PCDH9: variants seen among roughly 807,000 people sequenced by gnomAD.
The protein encoded by PCDH9 is protocadherin-9.
In PCDH9, 24 loss-of-function variants were observed where a neutral mutation model predicts 70.6. The observed-to-expected ratio is 0.34, with a 90% CI of 0.25 to 0.48. The LOEUF (loss-of-function observed/expected upper bound fraction) is 0.48. Among genes scored for constraint, PCDH9 ranks in the 20% least tolerant of loss-of-function variants. PCDH9 has a pLI of 0.99. For synonymous variants in PCDH9, 562 were observed against 558.5 expected (o/e 1.01, Z -0.09); for missense variants, 1,281 against 1,503.6 (o/e 0.85, Z 2.45).
chr13:66,483,598 A>C (rs1037801535), intron 4 of PCDH9, among the ~76,000 whole-genome samples: 3 of 152,208 alleles, frequency 2.0e-5, no homozygotes, highest in Non-Finnish European at 4.4e-5. Context: ...GCTAAAAGCA[A>C]CTTTGCTATT....
chr13:66,690,948 A>G (rs981164), intron 3 of PCDH9, among the ~76,000 whole-genome samples: 48,554 of 151,898 alleles, frequency 0.32, 8,451 homozygotes, highest in East Asian at 0.51. Flanking sequence ...ATTGCACTAA[A>G]GTTTTAAATT....
At chr13:66,376,914 C>T (rs1208423194) in intron 4 of PCDH9, among the ~76,000 whole-genome samples, 1 of 152,016 alleles carries the variant, frequency 6.6e-6, no homozygotes, top group African/African-American at 2.4e-5. Flanking sequence ...AATGAAATAA[C>T]CATTTATCTG....
At chr13:66,747,183 C>G (rs558919455) in intron 3 of PCDH9, among the ~76,000 whole-genome samples, 4 of 152,182 alleles carry the variant, frequency 2.6e-5, no homozygotes, top group Non-Finnish European at 4.4e-5. Flanking sequence ...AACCTCATCT[C>G]TACTAAAAAT....
chr13:66,930,814 C>T (rs369775515), intron 2 of PCDH9, among the ~76,000 whole-genome samples: 1 of 152,036 alleles, frequency 6.6e-6, no homozygotes, highest in East Asian at 1.9e-4. Flanking sequence ...TTCTGACCCA[C>T]CGAAAAAAAT....
intron 2 of PCDH9, among the ~76,000 whole-genome samples, chr13:67,006,912 A>G (rs2084365452): frequency 6.6e-6 from 1 of 152,226 alleles, no homozygotes; most frequent in Admixed American, 6.5e-5. Flanking sequence ...TTGCAAACAT[A>G]GAATTCCATT....
chr13:66,870,568 G>C (rs1342082830), intron 3 of PCDH9, among the ~76,000 whole-genome samples: 1 of 152,076 alleles, frequency 6.6e-6, no homozygotes, highest in Non-Finnish European at 1.5e-5. Flanking sequence ...CCATCAAAAA[G>C]TGGGCAAAGG....
At chr13:66,746,476 T>C (rs552418884) in intron 3 of PCDH9, among the ~76,000 whole-genome samples, 50 of 151,998 alleles carry the variant, frequency 3.3e-4, no homozygotes, top group Non-Finnish European at 6.2e-4. Context: ...TCAAGGCAGA[T>C]AACCAGACAG....
chr13:66,903,604 C>A lies in PCDH9; in HGVS notation c.3038G>T (p.Cys1013Phe), dbSNP rs772139181. Residue 1013 changes from cysteine (C) to phenylalanine (F), a missense_variant and splice_region_variant, in exon 3 of 5, where the codon TGT (cysteine) becomes TTT (phenylalanine). By Grantham distance (205) the Cys-to-Phe change is radical (BLOSUM62 -2). This residue lies in a region of PCDH9 where 264 missense variants were observed against 278.8 expected (regional missense o/e 0.95). Coordinates refer to ENST00000377865, the MANE Select transcript of PCDH9 (RefSeq NM_203487.3). ...KTKGPLHTRQ[C>F]NSHSKSDNIP... ...ATTGTCACTTTTGCTGTGTGAGTTA[C>A]ACTGAAAGAGATTACCAAATAATTG... 4 of 1,362,712 alleles carry A rather than the reference C, an allele frequency of 2.9e-6. No homozygotes were observed. The highest frequency in any genetic ancestry group is 4.2e-6 in the Non-Finnish European group (4 of 953,626). 84.4% of individuals were successfully genotyped at this position (1,362,712 alleles called of 1,614,324 possible).
At chr13:66,573,765 G>GT (rs578149644) in intron 4 of PCDH9, among the ~76,000 whole-genome samples, 17 of 150,454 alleles carry the variant, frequency 1.1e-4, no homozygotes, top group African/African-American at 4.2e-4. Flanking sequence ...TTGTTTGTTT[G>GT]TTTTTTTGGT....
intron 2 of PCDH9, among the ~76,000 whole-genome samples, chr13:67,080,855 T>C (rs576360879): frequency 4.1e-4 from 62 of 152,306 alleles, no homozygotes; most frequent in African/African-American, 1.4e-3. Context: ...GAAGTATACA[T>C]GTATTACCTA....
intron 3 of PCDH9, among the ~76,000 whole-genome samples, chr13:66,874,900 T>A (rs1194308914): frequency 6.8e-6 from 1 of 146,314 alleles, no homozygotes; most frequent in Non-Finnish European, 1.5e-5. Flanking sequence ...ATATATTGTG[T>A]GTACAAAAGC....
chr13:66,389,046 A>C (rs1224597793), intron 4 of PCDH9, among the ~76,000 whole-genome samples: 1 of 152,124 alleles, frequency 6.6e-6, no homozygotes, highest in African/African-American at 2.4e-5. Flanking sequence ...TTCCTTAATC[A>C]TATTTCTTCC....
At chr13:66,556,710 A>C (rs982659813) in intron 4 of PCDH9, among the ~76,000 whole-genome samples, 1 of 152,188 alleles carries the variant, frequency 6.6e-6, no homozygotes, top group African/African-American at 2.4e-5. Flanking sequence ...AAACAGAATA[A>C]AATTCTAAAG....
chr13:66,309,618 T>C (rs190368440), intron 4 of PCDH9, among the ~76,000 whole-genome samples: 1 of 152,068 alleles, frequency 6.6e-6, no homozygotes, highest in East Asian at 1.9e-4. Flanking sequence ...GCAAAAATTA[T>C]ATGCACTAAA....
chr13:67,152,993 A>G (rs2138391252), intron 2 of PCDH9, among the ~76,000 whole-genome samples: 1 of 148,332 alleles, frequency 6.7e-6, no homozygotes, highest in South Asian at 2.3e-4. Flanking sequence ...ACACTTCTCC[A>G]ACTAGCCCTC....
At chr13:66,419,831 A>G (rs1243873418) in intron 4 of PCDH9, among the ~76,000 whole-genome samples, 1 of 151,400 alleles carries the variant, frequency 6.6e-6, no homozygotes, top group Admixed American at 6.6e-5. Context: ...ACTACCCTGG[A>G]AAGGGGGCTG....
At chr13:66,506,642 A>G (rs1285302820) in intron 4 of PCDH9, among the ~76,000 whole-genome samples, 4 of 152,222 alleles carry the variant, frequency 2.6e-5, no homozygotes, top group African/African-American at 9.6e-5. Context: ...GACAGAGACC[A>G]TGTCTGTTTT....
chr13:66,923,534 C>T (rs983827113), intron 2 of PCDH9, among the ~76,000 whole-genome samples: 1 of 151,600 alleles, frequency 6.6e-6, no homozygotes, highest in Non-Finnish European at 1.5e-5. Flanking sequence ...TCATAGGTAA[C>T]ATTGATAACT....
chr13:66,657,367 C>T, intron 3 of PCDH9, among the ~76,000 whole-genome samples: 2 of 152,250 alleles, frequency 1.3e-5, no homozygotes, highest in Non-Finnish European at 2.9e-5. Flanking sequence ...GCCACCTGAA[C>T]ACAAAGTCAC....
Sources: allele counts gnomAD v4.1 joint callset (sites outside exome capture counted in the v4.1 genomes callset), GRCh38; gene constraint gnomAD v4.1.1; regional missense constraint gnomAD v4.1.1; transcripts MANE v1.5; gene names NCBI Gene and HGNC (gene_info 2026-07-23, HGNC 2026-07-21).